The following SLC12A3 variants were observed in gnomAD, a reference collection of about 807,000 sequenced individuals.
SLC12A3 encodes solute carrier family 12 member 3.
In SLC12A3, 104 loss-of-function variants were observed where a neutral mutation model predicts 121.0. The observed-to-expected ratio is 0.86, with a 90% CI of 0.73 to 1.01. The LOEUF is 1.01. SLC12A3 is among the 50% of genes least tolerant of loss of function. SLC12A3 has a pLI of 0.00. For synonymous variants in SLC12A3, 536 were observed against 533.4 expected (o/e 1.00, Z -0.07); for missense variants, 1,328 against 1,356.3 (o/e 0.98, Z 0.33).
Position 56,914,069 on chromosome 16 carries a change from G to C in SLC12A3, c.*664G>C, listed in dbSNP as rs5808. 94,395 of 152,088 alleles carry C rather than the reference G, an allele frequency of 0.62. 30,592 individuals are homozygous for C. Among genetic ancestry groups the C allele is most frequent in the African/African-American group, 0.81 (33,769 of 41,496 alleles). 9.4% of individuals were successfully genotyped at this position (152,088 alleles called of 1,614,324 possible). ...GGATTACAGGCACCTGCCATCACAC[G>C]AGCTAATTTTTGTATTTTTAGTAGA... On this transcript the variant is annotated 3_prime_UTR_variant, in exon 26 of 26. Transcript: ENST00000563236.
Position 56,867,165 on chromosome 16 carries a change from C to T in SLC12A3, c.378C>T (p.Ser126=), listed in dbSNP as rs1567424954. Residue 126 remains serine (S), a synonymous_variant, in exon 2 of 26, where the codon AGC becomes AGT. Coordinates refer to ENST00000563236, the MANE Select transcript of SLC12A3 (RefSeq NM_001126108.2). ...GLVEGEAGTS[S]EKNPEEPVRF... is the part of the protein sequence containing the mutation. ...TGGAGGGCGAGGCAGGCACCAGCAG[C>T]GAGAAGAACCCCGAGGAGCCAGTGC... The T allele has an allele frequency of 1.5e-5, 24 of 1,613,748 alleles. No individual in the cohort carries two copies. Among genetic ancestry groups the T allele is most frequent in the South Asian group, 8.8e-5 (8 of 91,046 alleles).
At position 56,890,324 on chromosome 16, in the gene SLC12A3, G is replaced by A. The variant is rs374352597; in HGVS notation, c.2336G>A (p.Gly779Glu). 60 of 1,614,028 alleles carry A rather than the reference G, an allele frequency of 3.7e-5. No homozygotes were observed. The highest frequency in any genetic ancestry group is 4.9e-5 in the Non-Finnish European group (58 of 1,180,022). The change falls in exon 19 of 26, where the codon GGA (glycine) becomes GAA (glutamate). Residue 779 changes from glycine to glutamate, a missense_variant. Coordinates refer to ENST00000563236, the MANE Select transcript of SLC12A3 (RefSeq NM_001126108.2). ...GTGTGTGTCATGAGGATGCGGGAGG[G>A]ACTCAACGTGTCCAAGATGATGCAG... The part of the protein sequence containing the change: ...YGVCVMRMRE[G>E]LNVSKMMQAH...
chr16:56,884,976 A>T (rs2055290794), intron 14 of SLC12A3, among the ~76,000 whole-genome samples: 1 of 152,154 alleles, frequency 6.6e-6, no homozygotes, highest in Non-Finnish European at 1.5e-5. Flanking sequence ...CATGTCGGCC[A>T]GGCTGGTCTT....
At chr16:56,890,398 C>T (rs889551331) in intron 19 of SLC12A3, 42 bp downstream of exon 19, 3 of 1,560,668 alleles carry the variant, frequency 1.9e-6, no homozygotes, top group South Asian at 1.1e-5. Context: ...TTCTAGAACA[C>T]ATTTTTTGTT....
At chr16:56,888,654 G>A (rs1029287897) in intron 18 of SLC12A3, among the ~76,000 whole-genome samples, 2 of 146,110 alleles carry the variant, frequency 1.4e-5, no homozygotes, top group Non-Finnish European at 3.0e-5. Context: ...CGCCTCCCGG[G>A]TTCACGCCAT....
chr16:56,908,291 T>C (rs34876056), intron 25 of SLC12A3, among the ~76,000 whole-genome samples: 32,176 of 149,936 alleles, frequency 0.21, 4,618 homozygotes, highest in African/African-American at 0.41. Context: ...CTCCTGAATA[T>C]CACCACCTCG....
chr16:56,870,124 TCTGGGCCCAGAG>T lies in SLC12A3; in HGVS notation c.633_644del (p.Pro213_Gly216del). On this transcript the variant is annotated inframe_deletion, in exon 5 of 26. Transcript: ENST00000563236. ...GCACCTACTTCCTCATCTCCCGGAG[TCTGGGCCCAGAG>T]CTTGGGGGCTCCATCGGCCTCATTT... 6.2e-7 allele frequency: 1 copy of T among 1,613,824 alleles called. No individual in the cohort carries two copies. The highest frequency in any genetic ancestry group is 8.5e-7 in the Non-Finnish European group (1 of 1,180,018).
rs1237921109 is a variant in SLC12A3, at chr16:56,868,265, C to A, written c.430-32C>A. 6.2e-6 allele frequency: 10 copies of A among 1,608,668 alleles called. No homozygotes were observed. In the East Asian group the frequency reaches 8.9e-5, roughly 14 times the overall value. ...TGTCGTTTGGCCTTGGGGTGTCCAC[C>A]CAGGTGGCCTCTGACCCCCCTGTCC... On this transcript the variant is annotated intron_variant, in intron 2 of 25. Transcript: ENST00000563236.
At chr16:56,866,378 T>C (rs1239955664) in intron 1 of SLC12A3, among the ~76,000 whole-genome samples, 3 of 152,154 alleles carry the variant, frequency 2.0e-5, no homozygotes, top group Non-Finnish European at 2.9e-5. Context: ...CTTGGCTCCA[T>C]ACTGAGATGA....
At chr16:56,905,851 G>A (rs1460406804) in intron 25 of SLC12A3, among the ~76,000 whole-genome samples, 1 of 152,132 alleles carries the variant, frequency 6.6e-6, no homozygotes, top group African/African-American at 2.4e-5. Context: ...ATGATGACGT[G>A]GGCATGAAAC....
rs960750157 is a variant in SLC12A3, at chr16:56,867,223, G to A, written c.429+7G>A. 6.2e-7 allele frequency: 1 copy of A among 1,605,018 alleles called. No individual in the cohort carries two copies. The highest frequency in any genetic ancestry group is 2.2e-5 in the East Asian group (1 of 44,574). ...CTGGGTCAAGGGGGTGATGGTGAGT[G>A]GGGTGTGGGTGGTGCGTGATGTCCA... On this transcript the variant is annotated splice_region_variant and intron_variant, in intron 2 of 25. Transcript: ENST00000563236.
chr16:56,900,630 A>G (rs1471020639), intron 23 of SLC12A3, among the ~76,000 whole-genome samples: 11 of 152,022 alleles, frequency 7.2e-5, no homozygotes, highest in African/African-American at 1.9e-4. Context: ...TCCCAGGTTC[A>G]AGCAATTCTT....
At chr16:56,909,242 C>A (rs958014957) in intron 25 of SLC12A3, among the ~76,000 whole-genome samples, 1 of 150,646 alleles carries the variant, frequency 6.6e-6, no homozygotes, top group Non-Finnish European at 1.5e-5. Context: ...AAGGATTGAT[C>A]GAGCCCAGGA....
intron 25 of SLC12A3, among the ~76,000 whole-genome samples, chr16:56,909,227 G>T (rs1252119720): frequency 1.3e-4 from 19 of 151,866 alleles, no homozygotes; most frequent in African/African-American, 4.4e-4. Flanking sequence ...GGGAGGCTGA[G>T]GCTGAAGGAT....
At chr16:56,877,621 T>A (rs1167212133) in intron 8 of SLC12A3, among the ~76,000 whole-genome samples, 1 of 152,018 alleles carries the variant, frequency 6.6e-6, no homozygotes, top group Non-Finnish European at 1.5e-5. Context: ...TTCACCAACA[T>A]CCCTGACAGA....
At chr16:56,880,969 A>T (rs1206571092) in intron 12 of SLC12A3, among the ~76,000 whole-genome samples, 3 of 152,196 alleles carry the variant, frequency 2.0e-5, no homozygotes, top group African/African-American at 7.2e-5. Flanking sequence ...ATATGCACAC[A>T]CACTCATATG....
At chr16:56,872,318 T>C (rs1156704647) in intron 6 of SLC12A3, 33 bp from the exon 7 acceptor site, 1 of 1,508,858 alleles carries the variant, frequency 6.6e-7, no homozygotes, top group Non-Finnish European at 9.2e-7. Flanking sequence ...AGAACAAAAC[T>C]ATCTGACCTC....
chr16:56,894,281 A>G (rs1199150301), intron 21 of SLC12A3, among the ~76,000 whole-genome samples: 2 of 152,162 alleles, frequency 1.3e-5, no homozygotes, highest in Non-Finnish European at 2.9e-5. Flanking sequence ...CTGGGATTAT[A>G]GGCATGAGCC....
At chr16:56,902,310 C>T in intron 23 of SLC12A3, 63 bp from the exon 24 acceptor site, 4 of 1,603,136 alleles carry the variant, frequency 2.5e-6, no homozygotes, top group Non-Finnish European at 3.4e-6. Context: ...CCCGCAGGGA[C>T]CTGGCACCCC....
Sources: gnomAD v4.1 joint callset for allele counts (sites outside exome capture counted in the v4.1 genomes callset) on GRCh38, gnomAD v4.1.1 for gene constraint, MANE v1.5 for transcripts, NCBI Gene and HGNC (gene_info 2026-07-23, HGNC 2026-07-21) for gene names.